GAK: variants seen among roughly 807,000 people sequenced by gnomAD.
GAK encodes the protein cyclin-G-associated kinase.
Under a neutral mutation model 143.9 loss-of-function variants are expected in GAK, and 79 were observed. The ratio of observed to expected loss-of-function variants is 0.55; its 90% CI spans 0.46 to 0.66. GAK has a LOEUF of 0.66. GAK is among the 30% of genes least tolerant of loss of function. GAK has a pLI of 0.00. For synonymous variants in GAK, 881 were observed against 765.5 expected (o/e 1.15, Z -2.49); for missense variants, 1,693 against 1,779.7 (o/e 0.95, Z 0.88).
intron 12 of GAK, 120 bp downstream of exon 12, chr4:883,917 A>T: frequency 1.0e-6 from 1 of 981,722 alleles, no homozygotes; most frequent in Non-Finnish European, 1.5e-6. Context: ...CACCCCTGTG[A>T]GTCTGTGGCC....
At chr4:852,980 G>A (rs1259861006) in intron 24 of GAK, 1 of 151,998 alleles carries the variant, frequency 6.6e-6, no homozygotes, top group Non-Finnish European at 1.5e-5. Flanking sequence ...CAGCAATCAC[G>A]ACCTGAATGC....
intron 1 of GAK, among the ~76,000 whole-genome samples, chr4:914,536 A>C (rs535966087): frequency 1.6e-3 from 74 of 46,684 alleles, no homozygotes; most frequent in East Asian, 5.7e-3. Context: ...GTGCACGGCC[A>C]CACACACACA....
chr4:852,830 G>A, intron 24 of GAK: 1 of 152,366 alleles, frequency 6.6e-6, no homozygotes, highest in Non-Finnish European at 1.5e-5. Flanking sequence ...CCCCAGGGAG[G>A]GCGTCTCTCA....
At chr4:902,405 G>C (rs1182389469) in intron 5 of GAK, among the ~76,000 whole-genome samples, 1 of 151,222 alleles carries the variant, frequency 6.6e-6, no homozygotes, top group Non-Finnish European at 1.5e-5. Flanking sequence ...AGGAGTTCTG[G>C]ACCAGCTTGG....
intron 4 of GAK, among the ~76,000 whole-genome samples, chr4:906,082 G>A (rs1721030476): frequency 1.3e-5 from 2 of 152,242 alleles, no homozygotes; most frequent in South Asian, 2.1e-4. Flanking sequence ...CCCAGCAGTT[G>A]AGCTGGCGTG....
At chr4:911,886 T>C in intron 3 of GAK, 99 bp from the exon 4 acceptor site, 1 of 919,660 alleles carries the variant, frequency 1.1e-6, no homozygotes, top group South Asian at 1.4e-5. Flanking sequence ...GAAGTCAGAA[T>C]ACTTGAATCG....
At chr4:893,736 AG>A in intron 8 of GAK, 137 bp downstream of exon 8, 1 of 988,992 alleles carries the variant, frequency 1.0e-6, no homozygotes, top group Non-Finnish European at 1.4e-6. Context: ...CCCCCCCCCC[AG>A]GGATGTTGTC....
intron 1 of GAK, among the ~76,000 whole-genome samples, chr4:926,296 G>C (rs1179931473): frequency 6.6e-6 from 1 of 152,180 alleles, no homozygotes; most frequent in Admixed American, 6.5e-5. Flanking sequence ...CCGCAGCTGA[G>C]CATGAAGTGG....
intron 15 of GAK, among the ~76,000 whole-genome samples, chr4:878,949 G>T (rs1321543264): frequency 6.6e-6 from 1 of 152,222 alleles, no homozygotes; most frequent in Non-Finnish European, 1.5e-5. Flanking sequence ...AGCTCAGTCA[G>T]CAGGGAGCCA....
intron 11 of GAK, chr4:884,485 A>G (rs1715853914): frequency 4.7e-6 from 1 of 210,752 alleles, no homozygotes; most frequent in Admixed American, 5.6e-5. Flanking sequence ...GGGTCATGCC[A>G]GGCTCCACGC....
intron 5 of GAK, among the ~76,000 whole-genome samples, chr4:900,506 T>A (rs983985819): frequency 6.6e-6 from 1 of 151,394 alleles, no homozygotes; most frequent in African/African-American, 2.4e-5. Context: ...AAATACACAC[T>A]CAAGCCCCGC....
At position 907,725 on chromosome 4, in the gene GAK, T is replaced by C. The variant is rs527805812; in HGVS notation, c.383-2946A>G. Among the ~76,000 whole-genome samples the C allele has an allele frequency of 2.7e-4, 41 of 152,328 alleles. No individual in the cohort carries two copies. In the South Asian group the frequency reaches 8.5e-3, roughly 32 times the overall value. ...GGCCTCCTCCAGTGAGCCCTGAACCTGCAGCTGCACGGGGGAGCCCACATC... is the reference window on the plus strand; with the variant it reads ...GGCCTCCTCCAGTGAGCCCTGAACCCGCAGCTGCACGGGGGAGCCCACATC... On this transcript the variant is annotated intron_variant, in intron 4 of 27. Coordinates refer to ENST00000314167, the MANE Select transcript of GAK (RefSeq NM_005255.4).
chr4:854,860 A>G (rs956673027), intron 24 of GAK, among the ~76,000 whole-genome samples: 3 of 152,138 alleles, frequency 2.0e-5, no homozygotes, highest in African/African-American at 7.2e-5. Flanking sequence ...CCTGACTAAC[A>G]CGGTGAAACC....
chr4:927,665 T>C (rs867608107), intron 1 of GAK, among the ~76,000 whole-genome samples: 342 of 8,370 alleles, frequency 0.041, no homozygotes, highest in South Asian at 0.053. Context: ...CGCTCACCTG[T>C]AGTCCGCACT....
At chr4:915,231 G>A (rs534445978) in intron 1 of GAK, among the ~76,000 whole-genome samples, 26 of 146,924 alleles carry the variant, frequency 1.8e-4, no homozygotes, top group African/African-American at 6.3e-4. Flanking sequence ...ATGGCCCCCC[G>A]CACTCAGCCC....
intron 16 of GAK, 31 bp downstream of exon 16, chr4:877,584 G>A (rs1195216525): frequency 3.9e-6 from 6 of 1,540,880 alleles, no homozygotes; most frequent in Non-Finnish European, 4.4e-6. Context: ...GAGGAGGAGG[G>A]AGCACAGCGT....
intron 14 of GAK, 83 bp from the exon 15 acceptor site, chr4:882,123 C>G: frequency 6.9e-7 from 1 of 1,443,982 alleles, no homozygotes; most frequent in South Asian, 1.3e-5. Context: ...TCCTACCCAC[C>G]CTGTGGCTGC....
intron 4 of GAK, among the ~76,000 whole-genome samples, chr4:909,991 G>A (rs1266756579): frequency 6.6e-6 from 1 of 151,994 alleles, no homozygotes; most frequent in African/African-American, 2.4e-5. Flanking sequence ...CCCACGTCAG[G>A]ACAACCCTGG....
At chr4:915,348 C>A in intron 1 of GAK, 1 of 188,808 alleles carries the variant, frequency 5.3e-6, no homozygotes, top group Admixed American at 6.1e-5. Context: ...AAAACAAAAC[C>A]ACAAGCAGTT....
Sources: allele counts gnomAD v4.1 joint callset (sites outside exome capture counted in the v4.1 genomes callset), GRCh38; gene constraint gnomAD v4.1.1; transcripts MANE v1.5; gene names NCBI Gene and HGNC (gene_info 2026-07-23, HGNC 2026-07-21).